KIAA2012: variants seen among roughly 807,000 people sequenced by gnomAD.
The protein encoded by KIAA2012 is uncharacterized protein KIAA2012.
KIAA2012 carries 125 observed loss-of-function variants against 150.6 expected under a neutral mutation model. That is an observed-to-expected ratio of 0.83 (90% CI 0.72 to 0.96). The LOEUF is 0.96. KIAA2012 is among the 40% of genes least tolerant of loss of function. The probability of loss-of-function intolerance (pLI) is 0.00; values close to 1 mark genes in which losing one functional copy is unlikely to be tolerated. For missense variants in KIAA2012, 1,219 were observed against 1,354.9 expected, an observed-to-expected ratio of 0.90 and a Z score of 1.57; for synonymous variants, 462 against 504.7, an observed-to-expected ratio of 0.92 and a Z score of 1.13.
At chr2:202,135,383 C>G (rs1379556250) in intron 12 of KIAA2012, among the ~76,000 whole-genome samples, 2 of 152,214 alleles carry the variant, frequency 1.3e-5, no homozygotes, top group Non-Finnish European at 2.9e-5. Flanking sequence ...AGCCAGTTAC[C>G]TGGGTTGGTC....
At chr2:202,141,601 G>A (rs1265207465) in intron 13 of KIAA2012, among the ~76,000 whole-genome samples, 11 of 152,140 alleles carry the variant, frequency 7.2e-5, no homozygotes. Context: ...CAGTCCTGAA[G>A]GTACAGTGCC....
At chr2:202,102,906 G>T in intron 7 of KIAA2012, 40 bp from the exon 8 acceptor site, 1 of 1,535,340 alleles carries the variant, frequency 6.5e-7, no homozygotes, top group Non-Finnish European at 8.8e-7. Context: ...GCAGGGTTTG[G>T]ATACCTGCCA....
intron 13 of KIAA2012, among the ~76,000 whole-genome samples, chr2:202,150,547 C>T (rs1219892234): frequency 2.6e-5 from 4 of 152,004 alleles, no homozygotes; most frequent in African/African-American, 9.7e-5. Flanking sequence ...CTCCTGGGTT[C>T]AGGCAATTCT....
intron 21 of KIAA2012, among the ~76,000 whole-genome samples, chr2:202,196,252 C>G (rs1379027745): frequency 7.7e-6 from 1 of 129,066 alleles, no homozygotes; most frequent in Admixed American, 9.3e-5. Flanking sequence ...TTGAGTGCAA[C>G]GGCGCGATCT....
At chr2:202,097,630 C>T in intron 5 of KIAA2012, 53 bp downstream of exon 5, 1 of 1,533,350 alleles carries the variant, frequency 6.5e-7, no homozygotes. Flanking sequence ...CACTCTGTCA[C>T]CCAGGCTAGA....
chr2:202,102,942 C>T lies in KIAA2012; in HGVS notation c.1156-4C>T. 6.5e-7 allele frequency: 1 copy of T among 1,547,876 alleles called. No homozygotes were observed. The highest frequency in any genetic ancestry group is 8.7e-7 in the Non-Finnish European group (1 of 1,146,120). On this transcript the variant is annotated splice_region_variant and splice_polypyrimidine_tract_variant and intron_variant, in intron 7 of 23. Coordinates refer to ENST00000498697, the MANE Select transcript of KIAA2012 (RefSeq NM_001277372.4). ...TGATCGTTTTGTTTTTAAATTTTCT[C>T]CAGGCACCAAAGGCTTTGAAATTAC...
chr2:202,184,926 T>TC (rs1692198442), intron 16 of KIAA2012, 83 bp downstream of exon 16: 2 of 1,172,738 alleles, frequency 1.7e-6, no homozygotes. Context: ...TGGTTTTTTT[T>TC]CAGACAGGAA....
chr2:202,169,457 G>C (rs1490714402), intron 15 of KIAA2012, among the ~76,000 whole-genome samples: 1 of 152,164 alleles, frequency 6.6e-6, no homozygotes, highest in Non-Finnish European at 1.5e-5. Context: ...CATAGACCCA[G>C]AAGCAGCCAA....
chr2:202,168,312 G>A (rs1170208330), intron 15 of KIAA2012, among the ~76,000 whole-genome samples: 2 of 151,100 alleles, frequency 1.3e-5, no homozygotes, highest in East Asian at 2.0e-4. Context: ...CCAGCTACTC[G>A]GGAGGCTGAG....
chr2:202,180,269 C>CAAAA (rs569117421), intron 15 of KIAA2012, among the ~76,000 whole-genome samples: 1 of 49,324 alleles, frequency 2.0e-5, no homozygotes, highest in African/African-American at 7.4e-5. Context: ...GAAACTCCTC[C>CAAAA]AAAAAAAAAA....
At position 202,187,099 on chromosome 2, in the gene KIAA2012, G is replaced by A. The variant is rs1366212716; in HGVS notation, c.2376+1G>A. On this transcript the variant is annotated splice_donor_variant, in intron 17 of 23. Transcript: ENST00000498697. LOFTEE classifies it high-confidence loss of function. ...GGAGACATCAGCCAACATCAGTCAT[G>A]TGAGTGTAAACCCCTAAAAGCTTGG... The A allele has an allele frequency of 6.4e-7, 1 of 1,550,430 alleles. No homozygotes were observed. The highest frequency in any genetic ancestry group is 2.0e-5 in the Admixed American group (1 of 50,988).
intron 15 of KIAA2012, among the ~76,000 whole-genome samples, chr2:202,175,926 C>T (rs978684745): frequency 1.5e-4 from 23 of 152,038 alleles, no homozygotes; most frequent in Admixed American, 1.4e-3. Flanking sequence ...ATAAATGTGC[C>T]CACATATGGA....
At chr2:202,200,408 GC>G (rs2105756364) in intron 22 of KIAA2012, among the ~76,000 whole-genome samples, 2 of 152,276 alleles carry the variant, frequency 1.3e-5, no homozygotes, top group South Asian at 4.1e-4. Flanking sequence ...AAATACGAAA[GC>G]AGAAGTAACG....
chr2:202,102,879 G>C (rs560838593), intron 7 of KIAA2012, 67 bp from the exon 8 acceptor site: 2 of 1,393,928 alleles, frequency 1.4e-6, no homozygotes, highest in African/African-American at 1.5e-5. Flanking sequence ...AGACAGTATC[G>C]TTTGCCCCTG....
chr2:202,098,144 G>A (rs1486514327), intron 5 of KIAA2012, among the ~76,000 whole-genome samples: 1 of 152,186 alleles, frequency 6.6e-6, no homozygotes, highest in Admixed American at 6.5e-5. Context: ...TGGATCACCT[G>A]AGGCCAGGAG....
chr2:202,102,155 G>T (rs1408460631), intron 7 of KIAA2012, among the ~76,000 whole-genome samples: 1 of 151,304 alleles, frequency 6.6e-6, no homozygotes, highest in Non-Finnish European at 1.5e-5. Context: ...ACTACCCCCA[G>T]TGAATCTCTC....
At chr2:202,134,427 G>A (rs925226266) in intron 12 of KIAA2012, among the ~76,000 whole-genome samples, 6 of 152,162 alleles carry the variant, frequency 3.9e-5, no homozygotes, top group Non-Finnish European at 5.9e-5. Context: ...CAGGTGGCCC[G>A]CCTGGCCTAA....
intron 14 of KIAA2012, among the ~76,000 whole-genome samples, chr2:202,161,350 A>T (rs781157601): frequency 1.3e-5 from 2 of 152,174 alleles, no homozygotes; most frequent in African/African-American, 2.4e-5. Context: ...GCTCAGTCTT[A>T]TCAGTGGTTT....
intron 15 of KIAA2012, among the ~76,000 whole-genome samples, chr2:202,183,733 C>T (rs1462433044): frequency 6.6e-6 from 1 of 152,006 alleles, no homozygotes; most frequent in Non-Finnish European, 1.5e-5. Flanking sequence ...CTCCAACTCC[C>T]GACCCCAGGT....
Sources: allele counts gnomAD v4.1 joint callset (sites outside exome capture counted in the v4.1 genomes callset), GRCh38; gene constraint gnomAD v4.1.1; transcripts MANE v1.5; gene names NCBI Gene and HGNC (gene_info 2026-07-23, HGNC 2026-07-21).